Variants in ZFPM2 observed in about 807,000 individuals in gnomAD.
ZFPM2 encodes the protein zinc finger protein ZFPM2.
Under a neutral mutation model 98.6 loss-of-function variants are expected in ZFPM2, and 20 were observed. The observed-to-expected ratio is 0.20, with a 90% CI of 0.14 to 0.29. The LOEUF (loss-of-function observed/expected upper bound fraction) is 0.29. Among genes scored for constraint, ZFPM2 ranks in the 10% least tolerant of loss-of-function variants. The pLI, the probability that ZFPM2 is intolerant of heterozygous loss-of-function variation, is 1.00. For missense variants in ZFPM2, 1,310 were observed against 1,388.6 expected (o/e 0.94, Z 0.90); for synonymous variants, 518 against 502.7 (o/e 1.03, Z -0.41).
intron 3 of ZFPM2, among the ~76,000 whole-genome samples, chr8:105,543,710 A>G (rs746916933): frequency 2.0e-5 from 3 of 152,122 alleles, no homozygotes; most frequent in Middle Eastern, 3.2e-3. Context: ...TGCAAATACT[A>G]TCTTTCCTCC....
chr8:105,606,257 C>T (rs17290299), intron 4 of ZFPM2, among the ~76,000 whole-genome samples: 14,934 of 152,124 alleles, frequency 0.098, 997 homozygotes, highest in Middle Eastern at 0.21. Flanking sequence ...CCTAAGAGGA[C>T]ACTTTTTTAT....
rs755073945 is a variant in ZFPM2, at chr8:105,801,975, C to G, written c.1893C>G (p.Val631=). 3.1e-6 allele frequency: 5 copies of G among 1,613,710 alleles called. No individual in the cohort carries two copies. The South Asian group carries it at 5.5e-5, about 18-fold the overall frequency. The change falls in exon 8 of 8, where the codon GTC becomes GTG. Residue 631 remains valine, a synonymous_variant. Transcript: ENST00000407775. ...LQTSCINSST[V]LDLIGPNGKG... is the part of the protein sequence containing the mutation. ...CATCTTGCATCAATTCTTCCACTGTCTTAGATTTAATTGGGCCAAATGGGA... is the reference window on the plus strand; with the variant it reads ...CATCTTGCATCAATTCTTCCACTGTGTTAGATTTAATTGGGCCAAATGGGA...
chr8:105,365,948 A>G (rs1810496528), intron 1 of ZFPM2, among the ~76,000 whole-genome samples: 2 of 152,302 alleles, frequency 1.3e-5, no homozygotes, highest in Admixed American at 6.5e-5. Flanking sequence ...ATGATTTCCA[A>G]TGCCCCAGAG....
intron 3 of ZFPM2, among the ~76,000 whole-genome samples, chr8:105,470,830 G>A (rs1433098388): frequency 1.3e-5 from 2 of 151,622 alleles, no homozygotes; most frequent in Non-Finnish European, 2.9e-5. Context: ...GATGATATTA[G>A]TTATTTATGT....
chr8:105,547,304 A>G (rs1432274833), intron 3 of ZFPM2, among the ~76,000 whole-genome samples: 2 of 152,052 alleles, frequency 1.3e-5, no homozygotes, highest in African/African-American at 4.8e-5. Flanking sequence ...GCACTTTGGG[A>G]GGCCGAGGCG....
intron 4 of ZFPM2, among the ~76,000 whole-genome samples, chr8:105,631,216 G>T (rs990389834): frequency 2.0e-5 from 3 of 152,064 alleles, no homozygotes; most frequent in Non-Finnish European, 4.4e-5. Context: ...GCTTCCCTCT[G>T]CTTACAGAAT....
At chr8:105,332,089 C>A (rs2129636542) in intron 1 of ZFPM2, among the ~76,000 whole-genome samples, 1 of 151,768 alleles carries the variant, frequency 6.6e-6, no homozygotes, top group African/African-American at 2.4e-5. Flanking sequence ...GGTCTTTGTT[C>A]TGTTCCGTAA....
rs1563636264 is a variant in ZFPM2, at chr8:105,390,212, G to A, written c.41-28932G>A. On this transcript the variant is annotated intron_variant, in intron 1 of 7. Coordinates refer to ENST00000407775, the MANE Select transcript of ZFPM2 (RefSeq NM_012082.4). ...AAACTCAGAGGTTCCCAGGCCAACT[G>A]CACTTCTGACTAACAGGCTACAAAT... Among the ~76,000 whole-genome samples, 3 of 152,170 alleles carry A rather than the reference G, an allele frequency of 2.0e-5. No individual in the cohort carries two copies. The South Asian group carries it at 6.2e-4, about 32-fold the overall frequency.
intron 3 of ZFPM2, among the ~76,000 whole-genome samples, chr8:105,445,263 A>G (rs1407482333): frequency 6.6e-6 from 1 of 152,220 alleles, no homozygotes; most frequent in Non-Finnish European, 1.5e-5. Context: ...ATATAATGCA[A>G]ACAAAAATGA....
chr8:105,765,507 G>C lies in ZFPM2; in HGVS notation c.533-23211G>C, dbSNP rs570132466. 1.3e-5 allele frequency among the ~76,000 whole-genome samples: 2 copies of C among 151,864 alleles called. 1 individual carries two copies. Among genetic ancestry groups the C allele is most frequent in the South Asian group, 4.2e-4 (2 of 4,814 alleles). ...AATAGATTGTCCTTTGATCTCTGGA[G>C]ACAATTGCATTTTACTTCTCTAATG... On this transcript the variant is annotated intron_variant, in intron 5 of 7. Coordinates refer to ENST00000407775, the MANE Select transcript of ZFPM2 (RefSeq NM_012082.4).
chr8:105,659,563 A>G (rs1433305993), intron 5 of ZFPM2, among the ~76,000 whole-genome samples: 2 of 152,232 alleles, frequency 1.3e-5, no homozygotes, highest in East Asian at 3.8e-4. Flanking sequence ...AAACATAATT[A>G]CAGAATTACT....
At chr8:105,451,613 C>G (rs767471633) in intron 3 of ZFPM2, 5 of 152,226 alleles carry the variant, frequency 3.3e-5, no homozygotes, top group Non-Finnish European at 5.9e-5. Flanking sequence ...GATACTTCTA[C>G]ATGCCAAGGA....
At chr8:105,624,648 T>C (rs147457706) in intron 4 of ZFPM2, among the ~76,000 whole-genome samples, 231 of 152,328 alleles carry the variant, frequency 1.5e-3, no homozygotes, top group Non-Finnish European at 2.6e-3. Context: ...AAATGATATT[T>C]GGAAGCAAAC....
chr8:105,393,148 T>A (rs950236265), intron 1 of ZFPM2, among the ~76,000 whole-genome samples: 21 of 152,172 alleles, frequency 1.4e-4, no homozygotes, highest in African/African-American at 5.1e-4. Flanking sequence ...TGAAGACCAA[T>A]CCAATCAGTC....
At chr8:105,532,809 T>G (rs1035226311) in intron 3 of ZFPM2, among the ~76,000 whole-genome samples, 3 of 152,064 alleles carry the variant, frequency 2.0e-5, no homozygotes, top group Admixed American at 1.3e-4. Flanking sequence ...TATGGCTGGT[T>G]TACAAGAACT....
intron 5 of ZFPM2, among the ~76,000 whole-genome samples, chr8:105,700,348 T>C (rs1811113533): frequency 6.6e-6 from 1 of 152,232 alleles, no homozygotes; most frequent in African/African-American, 2.4e-5. Flanking sequence ...AGACATTTTC[T>C]AGGTTTCCAC....
chr8:105,381,544 A>C (rs1285748494), intron 1 of ZFPM2, among the ~76,000 whole-genome samples: 2 of 152,084 alleles, frequency 1.3e-5, no homozygotes, highest in African/African-American at 4.8e-5. Context: ...AAATCATATA[A>C]GTTATGGCAG....
At chr8:105,522,056 G>A (rs866571027) in intron 3 of ZFPM2, among the ~76,000 whole-genome samples, 78 of 152,272 alleles carry the variant, frequency 5.1e-4, no homozygotes, top group African/African-American at 1.9e-3. Flanking sequence ...TAAGTATTTG[G>A]TGTGTAATAA....
intron 3 of ZFPM2, among the ~76,000 whole-genome samples, chr8:105,506,927 G>T (rs999329434): frequency 6.7e-6 from 1 of 148,676 alleles, no homozygotes; most frequent in African/African-American, 2.5e-5. Context: ...GGCGGAGCTT[G>T]CAGTGAGCCA....
Sources: allele counts gnomAD v4.1 joint callset (sites outside exome capture counted in the v4.1 genomes callset), GRCh38; gene constraint gnomAD v4.1.1; transcripts MANE v1.5; gene names NCBI Gene and HGNC (gene_info 2026-07-23, HGNC 2026-07-21).